Variants in AKAP19 observed in about 807,000 individuals in gnomAD.
AKAP19 encodes the protein A-kinase anchoring protein 19, also known as small A-kinase anchoring protein.
the AKAP19 span, among the ~76,000 whole-genome samples, chr2:189,886,040 C>T: frequency 6.6e-6 from 1 of 152,010 alleles, no homozygotes; most frequent in African/African-American, 2.4e-5. Context: ...AACTCCTGAC[C>T]TCAGGTGATC....
the AKAP19 span, among the ~76,000 whole-genome samples, chr2:189,891,367 C>A: frequency 6.6e-6 from 1 of 151,188 alleles, no homozygotes; most frequent in African/African-American, 2.4e-5. Context: ...GGGACTACAG[C>A]CCCATGCCAC....
the AKAP19 span, among the ~76,000 whole-genome samples, chr2:190,081,754 G>T: frequency 1.3e-5 from 2 of 152,052 alleles, no homozygotes; most frequent in African/African-American, 4.8e-5. Context: ...CCTCTCCTCA[G>T]TAAGTCTCTT....
chr2:189,893,086 A>T, the AKAP19 span, among the ~76,000 whole-genome samples: 1 of 151,712 alleles, frequency 6.6e-6, no homozygotes, highest in Admixed American at 6.6e-5. Context: ...CCCTCCCCCT[A>T]CTGAGTTCAG....
chr2:190,087,974 A>G, the AKAP19 span, among the ~76,000 whole-genome samples: 1 of 152,204 alleles, frequency 6.6e-6, no homozygotes, highest in Non-Finnish European at 1.5e-5. Context: ...AATTCCGGAC[A>G]CACACAAAAA....
the AKAP19 span, among the ~76,000 whole-genome samples, chr2:190,067,716 C>T: frequency 6.6e-6 from 1 of 151,956 alleles, no homozygotes; most frequent in African/African-American, 2.4e-5. Context: ...ATAATAATGT[C>T]CTAGTTAATA....
At chr2:189,881,058 C>G in the AKAP19 span, among the ~76,000 whole-genome samples, 1 of 152,060 alleles carries the variant, frequency 6.6e-6, no homozygotes, top group Admixed American at 6.6e-5. Flanking sequence ...TAGTGCTCTA[C>G]TAGTTCCACT....
At chr2:190,200,283 GAAC>G in the AKAP19 span, 3 of 706,338 alleles carry the variant, frequency 4.2e-6, no homozygotes, top group African/African-American at 1.8e-5. Flanking sequence ...ACTATTATAA[GAAC>G]AACTAGGATG....
chr2:190,156,890 C>T, the AKAP19 span, among the ~76,000 whole-genome samples: 1 of 152,162 alleles, frequency 6.6e-6, no homozygotes, highest in Non-Finnish European at 1.5e-5. Context: ...TCATAGGAAT[C>T]TATCCCATGG....
the AKAP19 span, among the ~76,000 whole-genome samples, chr2:190,067,843 T>C: frequency 6.6e-6 from 1 of 152,184 alleles, no homozygotes; most frequent in Non-Finnish European, 1.5e-5. Context: ...ATTATAGGCT[T>C]AAAATTTATC....
chr2:190,054,135 T>C, the AKAP19 span, among the ~76,000 whole-genome samples: 1 of 152,120 alleles, frequency 6.6e-6, no homozygotes, highest in Admixed American at 6.6e-5. Flanking sequence ...GTAGAACTTG[T>C]AACTCTAGGA....
At chr2:190,163,903 G>C in the AKAP19 span, 1 of 152,040 alleles carries the variant, frequency 6.6e-6, no homozygotes, top group African/African-American at 2.4e-5. Context: ...AGTTATTTTA[G>C]GATTAAGATT....
chr2:189,903,792 C>T, the AKAP19 span, among the ~76,000 whole-genome samples: 2 of 151,940 alleles, frequency 1.3e-5, no homozygotes, highest in African/African-American at 4.8e-5. Flanking sequence ...TGTTCCCCCA[C>T]TACTTCCCCT....
the AKAP19 span, among the ~76,000 whole-genome samples, chr2:190,170,440 A>T: frequency 3.3e-5 from 5 of 152,366 alleles, no homozygotes; most frequent in Admixed American, 6.5e-5. Flanking sequence ...AGACATACTT[A>T]GCTCTCTGAA....
the AKAP19 span, among the ~76,000 whole-genome samples, chr2:189,913,281 AT>A: frequency 2.0e-5 from 3 of 152,166 alleles, no homozygotes; most frequent in South Asian, 6.2e-4. Context: ...AGTAAATATA[AT>A]GGCCAAATTA....
At chr2:190,070,614 T>TCCC in the AKAP19 span, among the ~76,000 whole-genome samples, 27 of 119,086 alleles carry the variant, frequency 2.3e-4, no homozygotes, top group African/African-American at 8.3e-4. Context: ...TCCCTCTCTC[T>TCCC]CCCCCCCCCC....
At chr2:189,979,481 A>G in the AKAP19 span, among the ~76,000 whole-genome samples, 3 of 152,186 alleles carry the variant, frequency 2.0e-5, no homozygotes, top group Admixed American at 2.0e-4. Flanking sequence ...ATGTCCTAAA[A>G]GAAAAAGTAG....
At chr2:190,028,695 G>A in the AKAP19 span, among the ~76,000 whole-genome samples, 1 of 151,992 alleles carries the variant, frequency 6.6e-6, no homozygotes, top group African/African-American at 2.4e-5. Flanking sequence ...AGTATACAAA[G>A]TACATTATTA....
the AKAP19 span, among the ~76,000 whole-genome samples, chr2:190,102,450 A>G: frequency 6.6e-6 from 1 of 152,156 alleles, no homozygotes; most frequent in African/African-American, 2.4e-5. Context: ...TTGCTAGATT[A>G]ACAAAGAAAA....
the AKAP19 span, among the ~76,000 whole-genome samples, chr2:189,986,238 A>G: frequency 6.6e-6 from 1 of 152,052 alleles, no homozygotes; most frequent in African/African-American, 2.4e-5. Context: ...AGTTGGAGTC[A>G]TGTTTGTGAC....
Sources: gnomAD v4.1 joint callset for allele counts (sites outside exome capture counted in the v4.1 genomes callset) on GRCh38, gnomAD v4.1.1 for gene constraint, MANE v1.5 for transcripts, NCBI Gene and HGNC (gene_info 2026-07-23, HGNC 2026-07-21) for gene names.